TVP23A: variants seen among roughly 807,000 people sequenced by gnomAD.
The protein encoded by TVP23A is Golgi apparatus membrane protein TVP23 homolog A.
In TVP23A, 21 loss-of-function variants were observed where a neutral mutation model predicts 31.7. The observed-to-expected ratio is 0.66, with a 90% CI of 0.47 to 0.95. TVP23A has a LOEUF of 0.95. Among genes scored for constraint, TVP23A ranks in the 40% least tolerant of loss-of-function variants. The probability of loss-of-function intolerance (pLI) is 0.00; values close to 1 mark genes in which losing one functional copy is unlikely to be tolerated. For missense variants in TVP23A, 279 were observed against 255.6 expected, an observed-to-expected ratio of 1.09 and a Z score of -0.62; for synonymous variants, 104 against 96.0, an observed-to-expected ratio of 1.08 and a Z score of -0.49.
At chr16:10,803,057 A>C (rs955505905) in intron 2 of TVP23A, among the ~76,000 whole-genome samples, 1 of 152,038 alleles carries the variant, frequency 6.6e-6, no homozygotes, top group African/African-American at 2.4e-5. Context: ...GCTGAGGTGG[A>C]TGGATCACCT....
intron 5 of TVP23A, among the ~76,000 whole-genome samples, 157 bp downstream of exon 5, chr16:10,773,155 CT>C (rs2031749221): frequency 6.6e-6 from 1 of 152,216 alleles, no homozygotes; most frequent in Admixed American, 6.5e-5. Flanking sequence ...TAATTGTATA[CT>C]TTAAATGGGT....
Position 10,768,071 on chromosome 16 carries a change from G to T in TVP23A, c.*1031C>A. 1 of 1,594,418 alleles carries T rather than the reference G, an allele frequency of 6.3e-7. No homozygotes were observed. Among genetic ancestry groups the T allele is most frequent in the African/African-American group, 1.3e-5 (1 of 74,582 alleles). On this transcript the variant is annotated 3_prime_UTR_variant, in exon 8 of 8. Transcript: ENST00000299866. The surrounding 1 kb of genome is among the most constrained non-coding windows in gnomAD (Gnocchi z 4.3). ...TGAGTACTAAATGCAGATGCCTGTG[G>T]GGCAGGAAGCAACATAAAGGAGCCA...
At chr16:10,774,867 TA>T in intron 3 of TVP23A, 84 bp downstream of exon 3, 1 of 1,277,678 alleles carries the variant, frequency 7.8e-7, no homozygotes, top group Non-Finnish European at 1.1e-6. Flanking sequence ...CTCAGGAGTC[TA>T]AACCAAAGTA....
intron 2 of TVP23A, among the ~76,000 whole-genome samples, chr16:10,816,627 G>A (rs573358293): frequency 4.1e-4 from 63 of 152,166 alleles, no homozygotes; most frequent in Non-Finnish European, 6.8e-4. Context: ...TGTGAGCCAT[G>A]CACTCAGCCT....
At chr16:10,792,723 G>C (rs2033172303) in intron 2 of TVP23A, among the ~76,000 whole-genome samples, 1 of 152,360 alleles carries the variant, frequency 6.6e-6, no homozygotes, top group Non-Finnish European at 1.5e-5. Context: ...CTTTTCCAGA[G>C]TGACCTAGAT....
rs1323863588 is a variant in TVP23A, at chr16:10,777,310, G to A, written c.90-2214C>T. On this transcript the variant is annotated intron_variant, in intron 2 of 7. Coordinates refer to ENST00000299866, the MANE Select transcript of TVP23A (RefSeq NM_001079512.4). The surrounding 1 kb of genome is among the most constrained non-coding windows in gnomAD (Gnocchi z 4.5). Reference sequence around the variant, plus strand: ...AATGGGAAATCTGATTTTAAATGATGGCCACTAATTCTTTTACTGAAATAT... The same window carrying A: ...AATGGGAAATCTGATTTTAAATGATAGCCACTAATTCTTTTACTGAAATAT... Among the ~76,000 whole-genome samples the A allele has an allele frequency of 1.3e-5, 2 of 152,100 alleles. No individual in the cohort carries two copies. Among genetic ancestry groups the A allele is most frequent in the Non-Finnish European group, 2.9e-5 (2 of 68,024 alleles).
chr16:10,774,209 G>T, intron 3 of TVP23A, 81 bp from the exon 4 acceptor site: 2 of 1,081,120 alleles, frequency 1.8e-6, no homozygotes, highest in Non-Finnish European at 2.7e-6. Context: ...AAAGTTCCTT[G>T]ATTCATTTCA....
At chr16:10,802,552 T>C (rs1173099344) in intron 2 of TVP23A, among the ~76,000 whole-genome samples, 1 of 152,058 alleles carries the variant, frequency 6.6e-6, no homozygotes, top group African/African-American at 2.4e-5. Context: ...ATTGCTGGGG[T>C]TACAGGTGTG....
intron 2 of TVP23A, among the ~76,000 whole-genome samples, chr16:10,790,622 T>A (rs774193551): frequency 6.6e-6 from 1 of 152,132 alleles, no homozygotes. Context: ...TTCTTTGTCA[T>A]GTAATGTTAC....
At chr16:10,759,919 C>T (rs991091180), downstream of TVP23A, among the ~76,000 whole-genome samples, 3 of 152,206 alleles carry the variant, frequency 2.0e-5, no homozygotes, top group Non-Finnish European at 4.4e-5. The surrounding 1 kb of genome is among the most constrained non-coding windows in gnomAD (Gnocchi z 4.7). Context: ...GCGAGCCTTT[C>T]GGGCTCACGT....
At chr16:10,795,098 G>C (rs770643136) in intron 2 of TVP23A, among the ~76,000 whole-genome samples, 1 of 152,128 alleles carries the variant, frequency 6.6e-6, no homozygotes, top group Non-Finnish European at 1.5e-5. Flanking sequence ...CAGACGCCAT[G>C]AGAGTCAGGT....
rs2032267908 is a variant in TVP23A at position 10,779,158 on chromosome 16, G to C, written c.90-4062C>G. Among the ~76,000 whole-genome samples, 3 of 152,138 alleles carry C rather than the reference G, an allele frequency of 2.0e-5. No individual in the cohort carries two copies. Among genetic ancestry groups the C allele is most frequent in the Admixed American group, 6.6e-5 (1 of 15,266 alleles). On this transcript the variant is annotated intron_variant, in intron 2 of 7. Coordinates refer to ENST00000299866, the MANE Select transcript of TVP23A (RefSeq NM_001079512.4). This position sits in a 1 kb window ranked among gnomAD's most constrained non-coding sequence, Gnocchi z 4.9. ...GATAGCTTCCACTTAGCTGGGCCCTGATTAACTCAATGGAAAGTGGTGTTA... is the reference window on the plus strand; with the variant it reads ...GATAGCTTCCACTTAGCTGGGCCCTCATTAACTCAATGGAAAGTGGTGTTA...
intron 2 of TVP23A, among the ~76,000 whole-genome samples, chr16:10,813,715 C>T (rs1416951075): frequency 6.6e-6 from 1 of 152,128 alleles, no homozygotes; most frequent in African/African-American, 2.4e-5. Context: ...GTTAAGAATT[C>T]CCTTTCTAGG....
At chr16:10,774,540 A>G (rs950388374) in intron 3 of TVP23A, among the ~76,000 whole-genome samples, 2 of 151,564 alleles carry the variant, frequency 1.3e-5, no homozygotes, top group East Asian at 1.9e-4. Context: ...ATGGTAGTGA[A>G]TAAGTGCCAC....
chr16:10,785,095 T>A (rs1164904694), intron 2 of TVP23A, among the ~76,000 whole-genome samples: 9 of 99,892 alleles, frequency 9.0e-5, no homozygotes, highest in East Asian at 5.8e-4. Context: ...AGACTCCGTC[T>A]CAAAAAAAAA....
intron 2 of TVP23A, 148 bp downstream of exon 2, chr16:10,817,955 G>A: frequency 1.4e-6 from 1 of 690,828 alleles, no homozygotes; most frequent in Non-Finnish European, 2.5e-6. Context: ...CAGGAGGGCA[G>A]GGACTTTGTC....
At chr16:10,798,181 G>C (rs373454090) in intron 2 of TVP23A, among the ~76,000 whole-genome samples, 5 of 151,728 alleles carry the variant, frequency 3.3e-5, no homozygotes, top group African/African-American at 7.2e-5. Context: ...GGATGGTCTC[G>C]ATCTCCTGAC....
chr16:10,788,920 A>G (rs931423489), intron 2 of TVP23A, among the ~76,000 whole-genome samples: 1 of 152,312 alleles, frequency 6.6e-6, no homozygotes, highest in South Asian at 2.1e-4. Flanking sequence ...CACTCTGAGC[A>G]TGGGAACATG....
intron 2 of TVP23A, among the ~76,000 whole-genome samples, chr16:10,795,634 C>T (rs998007644): frequency 2.6e-5 from 4 of 152,062 alleles, no homozygotes; most frequent in Admixed American, 2.6e-4. Flanking sequence ...AACTGAGCAG[C>T]GAAGGACAAG....
Sources: allele counts gnomAD v4.1 joint callset (sites outside exome capture counted in the v4.1 genomes callset), GRCh38; gene constraint gnomAD v4.1.1; non-coding constraint Gnocchi (gnomAD v3.1); transcripts MANE v1.5; gene names NCBI Gene and HGNC (gene_info 2026-07-23, HGNC 2026-07-21).